Variants in RFTN2 observed in about 807,000 individuals in gnomAD.
RFTN2 encodes the protein raftlin family member 2.
In RFTN2, 34 loss-of-function variants were observed where a neutral mutation model predicts 52.7. The observed-to-expected ratio is 0.64, with a 90% CI of 0.49 to 0.86. The LOEUF (loss-of-function observed/expected upper bound fraction) is 0.86, where lower values mean the gene tolerates loss of function less well. Ranked by LOEUF, RFTN2 falls within the 40% of genes least tolerant of loss-of-function variation. RFTN2 has a pLI of 0.00. For missense variants in RFTN2, 536 were observed against 600.1 expected (o/e 0.89, Z 1.12); for synonymous variants, 203 against 217.7 (o/e 0.93, Z 0.59).
At chr2:197,621,324 C>T (rs950451550) in intron 5 of RFTN2, among the ~76,000 whole-genome samples, 5 of 151,108 alleles carry the variant, frequency 3.3e-5, no homozygotes, top group African/African-American at 4.9e-5. Flanking sequence ...TGTTTTCTTG[C>T]TCTCAATATT....
At position 197,611,297 on chromosome 2, in the gene RFTN2, A is replaced by T. The variant is rs2088056022; in HGVS notation, c.1154+4579T>A. Among the ~76,000 whole-genome samples, 6 of 152,124 alleles carry T rather than the reference A, an allele frequency of 3.9e-5. No homozygotes were observed. The South Asian group carries it at 1.0e-3, about 26-fold the overall frequency. ...TATTGCCTCAATTTCAGAACCTGTT[A>T]GTGGTCTAGTCAGAGATTCAACTTC... On this transcript the variant is annotated intron_variant, in intron 7 of 8. Transcript: ENST00000295049.
At chr2:197,629,563 G>A (rs2088426508) in intron 5 of RFTN2, among the ~76,000 whole-genome samples, 1 of 151,684 alleles carries the variant, frequency 6.6e-6, no homozygotes, top group Admixed American at 6.6e-5. Context: ...CCTGCACATT[G>A]TGCACATGTA....
chr2:197,656,499 C>T (rs931706884), intron 1 of RFTN2, among the ~76,000 whole-genome samples: 1 of 152,118 alleles, frequency 6.6e-6, no homozygotes, highest in Admixed American at 6.6e-5. Context: ...AAAACATGAG[C>T]CCAGGGCCTG....
rs533155369 is a variant in RFTN2 at position 197,641,170 on chromosome 2, C to T, written c.438+2988G>A. 7.2e-5 allele frequency among the ~76,000 whole-genome samples: 11 copies of T among 152,198 alleles called. No individual in the cohort carries two copies. The South Asian group carries it at 1.7e-3, about 23-fold the overall frequency. On this transcript the variant is annotated intron_variant, in intron 3 of 8. Coordinates refer to ENST00000295049, the MANE Select transcript of RFTN2 (RefSeq NM_144629.3). ...TCAGAATGAAATGGAGTGAGAAAAG[C>T]CAGGAAGAACTGGGGCAGAACAGAG...
At chr2:197,671,434 A>AT (rs1332925250) in intron 1 of RFTN2, among the ~76,000 whole-genome samples, 3 of 152,120 alleles carry the variant, frequency 2.0e-5, no homozygotes, top group Non-Finnish European at 4.4e-5. Context: ...TTGTATTGTA[A>AT]TTTTTTGTTC....
chr2:197,633,407 C>G (rs2088497674), intron 4 of RFTN2, among the ~76,000 whole-genome samples: 3 of 152,064 alleles, frequency 2.0e-5, no homozygotes, highest in Admixed American at 1.3e-4. Flanking sequence ...CTAATAGACT[C>G]ACTTATTTGG....
intron 7 of RFTN2, among the ~76,000 whole-genome samples, chr2:197,602,442 G>A (rs1334655858): frequency 6.6e-6 from 1 of 152,130 alleles, no homozygotes; most frequent in Non-Finnish European, 1.5e-5. Flanking sequence ...GGTTCAATAT[G>A]TGCCCATAAT....
intron 7 of RFTN2, among the ~76,000 whole-genome samples, chr2:197,599,351 C>A (rs560004879): frequency 9.0e-4 from 137 of 152,232 alleles, no homozygotes; most frequent in Non-Finnish European, 1.6e-3. Flanking sequence ...CTTTAGTTTA[C>A]CAATTTATTC....
At chr2:197,591,458 G>GT (rs1174112516) in intron 8 of RFTN2, among the ~76,000 whole-genome samples, 1 of 152,222 alleles carries the variant, frequency 6.6e-6, no homozygotes, top group African/African-American at 2.4e-5. Context: ...GGTTCTGCAA[G>GT]TCCCCACCAG....
intron 8 of RFTN2, among the ~76,000 whole-genome samples, chr2:197,591,543 G>A (rs554891734): frequency 3.3e-5 from 5 of 152,326 alleles, no homozygotes; most frequent in East Asian, 1.9e-4. Flanking sequence ...CCAGTCCCGC[G>A]CAGTGTGCCC....
At chr2:197,655,266 A>G (rs1166996121) in intron 1 of RFTN2, among the ~76,000 whole-genome samples, 1 of 152,186 alleles carries the variant, frequency 6.6e-6, no homozygotes, top group Non-Finnish European at 1.5e-5. Context: ...TTCCCAAGAA[A>G]TACCTCGTTT....
At chr2:197,589,525 G>C (rs1038573662) in intron 8 of RFTN2, among the ~76,000 whole-genome samples, 1 of 152,052 alleles carries the variant, frequency 6.6e-6, no homozygotes, top group Non-Finnish European at 1.5e-5. Flanking sequence ...CCCAGTTCTT[G>C]GTATTGTCAG....
chr2:197,655,832 C>T (rs2088887166), intron 1 of RFTN2, among the ~76,000 whole-genome samples: 1 of 151,920 alleles, frequency 6.6e-6, no homozygotes, highest in Non-Finnish European at 1.5e-5. Context: ...CAAAAAAAAA[C>T]AAAACAACTC....
At chr2:197,608,349 T>TTGGG (rs2087995691) in intron 7 of RFTN2, among the ~76,000 whole-genome samples, 3 of 150,982 alleles carry the variant, frequency 2.0e-5, no homozygotes, top group Admixed American at 1.3e-4. Flanking sequence ...TCTCACTCTG[T>TTGGG]TACCCAGGCT....
intron 1 of RFTN2, among the ~76,000 whole-genome samples, chr2:197,655,317 CT>C (rs1207379381): frequency 6.6e-6 from 1 of 152,152 alleles, no homozygotes; most frequent in Non-Finnish European, 1.5e-5. Flanking sequence ...GGAATAAGTT[CT>C]GCTTTTCTGG....
At chr2:197,631,764 C>T (rs2088472831) in intron 4 of RFTN2, among the ~76,000 whole-genome samples, 2 of 151,954 alleles carry the variant, frequency 1.3e-5, no homozygotes, top group African/African-American at 4.8e-5. Context: ...TGAGAGTGAC[C>T]CTAGAACAGA....
At chr2:197,635,005 C>T (rs112164382) in intron 3 of RFTN2, among the ~76,000 whole-genome samples, 30,655 of 149,862 alleles carry the variant, frequency 0.2, 3,226 homozygotes, top group Middle Eastern at 0.28. Flanking sequence ...TTTGTTCTTG[C>T]GATAGTTTAC....
At chr2:197,600,358 C>T (rs947414915) in intron 7 of RFTN2, among the ~76,000 whole-genome samples, 1 of 152,170 alleles carries the variant, frequency 6.6e-6, no homozygotes, top group African/African-American at 2.4e-5. Context: ...CTCTTGGGGA[C>T]GTCCTCATAG....
intron 5 of RFTN2, among the ~76,000 whole-genome samples, chr2:197,623,182 C>T (rs1386233883): frequency 6.6e-6 from 1 of 152,168 alleles, no homozygotes; most frequent in African/African-American, 2.4e-5. Context: ...TTAAAACCTT[C>T]TGGAAAGGAT....
Sources: gnomAD v4.1 joint callset for allele counts (sites outside exome capture counted in the v4.1 genomes callset) on GRCh38, gnomAD v4.1.1 for gene constraint, MANE v1.5 for transcripts, NCBI Gene and HGNC (gene_info 2026-07-23, HGNC 2026-07-21) for gene names.